Variants in TAFA5 observed in about 807,000 individuals in gnomAD.
TAFA5 encodes chemokine-like protein TAFA-5.
A neutral mutation model predicts 15.3 loss-of-function variants in TAFA5; 6 were observed. The observed-to-expected ratio is 0.39, with a 90% CI of 0.21 to 0.77. The LOEUF is 0.77. Among genes scored for constraint, TAFA5 ranks in the 30% least tolerant of loss-of-function variants. The pLI, the probability that TAFA5 is intolerant of heterozygous loss-of-function variation, is 0.41. For synonymous variants in TAFA5, 103 were observed against 80.7 expected (o/e 1.28, Z -1.48); for missense variants, 161 against 193.1 (o/e 0.83, Z 0.98).
intron 1 of TAFA5, among the ~76,000 whole-genome samples, chr22:48,631,001 G>A (rs992448684): frequency 1.3e-5 from 2 of 152,236 alleles, no homozygotes; most frequent in African/African-American, 2.4e-5. Flanking sequence ...GCAGCCAGGG[G>A]CCGGCGCTCT....
At chr22:48,672,181 T>G (rs1927823980) in intron 2 of TAFA5, among the ~76,000 whole-genome samples, 1 of 152,224 alleles carries the variant, frequency 6.6e-6, no homozygotes, top group Non-Finnish European at 1.5e-5. Context: ...TTGGCTTGGT[T>G]TTTGGACTCC....
At chr22:48,626,492 A>G (rs1926029726) in intron 1 of TAFA5, among the ~76,000 whole-genome samples, 1 of 152,128 alleles carries the variant, frequency 6.6e-6, no homozygotes, top group Admixed American at 6.5e-5. Flanking sequence ...TTTTTGGTGA[A>G]GTGTTCATTC....
rs193025999 is a variant in TAFA5 at position 48,574,967 on chromosome 22, T to C, written c.113-71630T>C. 6.2e-3 allele frequency among the ~76,000 whole-genome samples: 946 copies of C among 152,280 alleles called. 6 individuals carry two copies. Among genetic ancestry groups the C allele is most frequent in the African/African-American group, 0.022 (903 of 41,568 alleles). Reference sequence around the variant, plus strand: ...TTAACAGTGCGCCCACGCTCTTGGGTGCAGGGCAGCTGGCTGGAGGGTGGT... The same window carrying C: ...TTAACAGTGCGCCCACGCTCTTGGGCGCAGGGCAGCTGGCTGGAGGGTGGT... On this transcript the variant is annotated intron_variant, in intron 1 of 3. Coordinates refer to ENST00000402357, the MANE Select transcript of TAFA5 (RefSeq NM_001082967.3).
At chr22:48,741,659 G>C (rs568537771) in intron 3 of TAFA5, among the ~76,000 whole-genome samples, 1 of 152,106 alleles carries the variant, frequency 6.6e-6, no homozygotes, top group African/African-American at 2.4e-5. Context: ...TGAGGACACA[G>C]ACACACACAG....
chr22:48,717,825 G>A (rs1399325973), intron 3 of TAFA5, among the ~76,000 whole-genome samples: 2 of 152,250 alleles, frequency 1.3e-5, no homozygotes, highest in Non-Finnish European at 2.9e-5. Flanking sequence ...ATAGGCAAGG[G>A]AAGAGGGTCC....
chr22:48,642,476 C>T (rs929276006), intron 1 of TAFA5, among the ~76,000 whole-genome samples: 3 of 152,150 alleles, frequency 2.0e-5, no homozygotes, highest in African/African-American at 4.8e-5. Context: ...TTTTGGAGCT[C>T]GTGAGCAGAG....
At chr22:48,702,959 G>A (rs1176483097) in intron 2 of TAFA5, among the ~76,000 whole-genome samples, 4 of 152,394 alleles carry the variant, frequency 2.6e-5, no homozygotes, top group Middle Eastern at 3.4e-3. Context: ...GCCCAGGGAC[G>A]GGGCAGGCCT....
chr22:48,670,091 C>T (rs368411298), intron 2 of TAFA5, among the ~76,000 whole-genome samples: 1 of 152,222 alleles, frequency 6.6e-6, no homozygotes, highest in Admixed American at 6.5e-5. Flanking sequence ...GCCAGATGTT[C>T]AGCCCTGGCC....
Position 48,749,857 on chromosome 22 carries a change from C to T in TAFA5, c.*10C>T, listed in dbSNP as rs370217835. 6.4e-6 allele frequency: 10 copies of T among 1,558,066 alleles called. No homozygotes were observed. The Admixed American group carries it at 1.5e-4, about 24-fold the overall frequency. ...TCCTCAGGTCTCCTGACAAACACAG[C>T]CCCTGAGGGGCCCCGGGAGTGGCCT... On this transcript the variant is annotated 3_prime_UTR_variant, in exon 4 of 4. Coordinates refer to ENST00000402357, the MANE Select transcript of TAFA5 (RefSeq NM_001082967.3).
chr22:48,630,990 TGCA>T (rs1277457591), intron 1 of TAFA5, among the ~76,000 whole-genome samples: 7 of 152,176 alleles, frequency 4.6e-5, no homozygotes, highest in African/African-American at 1.4e-4. Context: ...CGGCGTGTCC[TGCA>T]GCCAGGGGCC....
At position 48,616,838 on chromosome 22, in the gene TAFA5, G is replaced by A. The variant is rs144416615; in HGVS notation, c.113-29759G>A. Among the ~76,000 whole-genome samples, 77 of 152,328 alleles carry A rather than the reference G, an allele frequency of 5.1e-4. 3 individuals carry two copies. The highest frequency in any genetic ancestry group is 1.8e-3 in the African/African-American group (74 of 41,576). The stretch of plus-strand genomic sequence containing the variant: ...CAGACACCCAGCTGCTTGCAGGTCC[G>A]TGGGGACCCCTAGGGGTTTGGTGGG... On this transcript the variant is annotated intron_variant, in intron 1 of 3. Transcript: ENST00000402357.
intron 2 of TAFA5, among the ~76,000 whole-genome samples, chr22:48,678,096 C>T (rs1569075495): frequency 6.6e-6 from 1 of 152,338 alleles, no homozygotes; most frequent in East Asian, 1.9e-4. Flanking sequence ...CCTTGCCATT[C>T]CAGTTCCCTG....
chr22:48,515,354 A>G (rs565337818), intron 1 of TAFA5, among the ~76,000 whole-genome samples: 1 of 152,352 alleles, frequency 6.6e-6, no homozygotes, highest in South Asian at 2.1e-4. Context: ...GGGCTTCTGC[A>G]GGCAGGCGGA....
chr22:48,507,940 G>A (rs1474236921), intron 1 of TAFA5, among the ~76,000 whole-genome samples: 3 of 152,210 alleles, frequency 2.0e-5, no homozygotes, highest in East Asian at 1.9e-4. Context: ...CCAGCTGCTG[G>A]GCCTCAGTGT....
chr22:48,659,189 G>A (rs181366787), intron 2 of TAFA5, among the ~76,000 whole-genome samples: 66 of 152,338 alleles, frequency 4.3e-4, no homozygotes, highest in Non-Finnish European at 3.5e-4. Context: ...CTGGGCCCTC[G>A]TCCACCCACA....
chr22:48,510,115 C>T (rs75378552), intron 1 of TAFA5, among the ~76,000 whole-genome samples: 1,674 of 152,240 alleles, frequency 0.011, 28 homozygotes, highest in African/African-American at 0.039. Flanking sequence ...TGAAATGCTT[C>T]GGGACATTGG....
At chr22:48,747,895 TAAA>T (rs130233) in intron 3 of TAFA5, among the ~76,000 whole-genome samples, 9,641 of 121,550 alleles carry the variant, frequency 0.079, 379 homozygotes, top group Admixed American at 0.1. Flanking sequence ...AGACTCTGTC[TAAA>T]AAAAAAAAAA....
At chr22:48,667,594 T>C (rs943566119) in intron 2 of TAFA5, among the ~76,000 whole-genome samples, 6 of 152,308 alleles carry the variant, frequency 3.9e-5, no homozygotes, top group African/African-American at 1.4e-4. Context: ...TTGAGGGTCC[T>C]TGAGACTCCG....
chr22:48,564,131 TCACGCTGTGGGCAGCTGGACA>T (rs1923331655), intron 1 of TAFA5, among the ~76,000 whole-genome samples: 1 of 152,184 alleles, frequency 6.6e-6, no homozygotes, highest in Admixed American at 6.5e-5. Context: ...CATCCCCTGG[TCACGCTGTGGGCAGCTGGACA>T]CATGACCACT....
Sources: allele counts gnomAD v4.1 joint callset (sites outside exome capture counted in the v4.1 genomes callset), GRCh38; gene constraint gnomAD v4.1.1; transcripts MANE v1.5; gene names NCBI Gene and HGNC (gene_info 2026-07-23, HGNC 2026-07-21).